Variants in DNAI4 observed in about 807,000 individuals in gnomAD.
DNAI4 encodes the protein dynein axonemal intermediate chain 4, also known as WD repeat domain 78.
In DNAI4, 85 loss-of-function variants were observed where a neutral mutation model predicts 105.8. The observed-to-expected ratio is 0.80, with a 90% CI of 0.67 to 0.96. The LOEUF is 0.96. DNAI4 is among the 40% of genes least tolerant of loss of function. The pLI, the probability that DNAI4 is intolerant of heterozygous loss-of-function variation, is 0.00. For synonymous variants in DNAI4, 352 were observed against 331.5 expected (o/e 1.06, Z -0.67); for missense variants, 1,014 against 1,005.6 (o/e 1.01, Z -0.11).
intron 8 of DNAI4, among the ~76,000 whole-genome samples, chr1:66,843,806 G>A (rs1458418171): frequency 6.6e-6 from 1 of 151,958 alleles, no homozygotes; most frequent in Non-Finnish European, 1.5e-5. Flanking sequence ...AAGATCAGCT[G>A]ACTATATTTT....
intron 4 of DNAI4, among the ~76,000 whole-genome samples, chr1:66,877,403 C>T (rs1260741340): frequency 6.6e-6 from 1 of 152,096 alleles, no homozygotes; most frequent in African/African-American, 2.4e-5. Flanking sequence ...CAAACTTTAC[C>T]CTGCAACAGA....
At chr1:66,821,490 G>A (rs1229415171) in intron 16 of DNAI4, among the ~76,000 whole-genome samples, 2 of 152,014 alleles carry the variant, frequency 1.3e-5, no homozygotes, top group African/African-American at 4.8e-5. Context: ...AGTATGAGAG[G>A]ACTCATCAAA....
At chr1:66,896,028 C>A (rs1481562503) in intron 2 of DNAI4, among the ~76,000 whole-genome samples, 1 of 152,086 alleles carries the variant, frequency 6.6e-6, no homozygotes, top group South Asian at 2.1e-4. Context: ...GTTTCTCATA[C>A]TGTATTCAGG....
At chr1:66,822,633 TTAAG>T (rs1645655500) in intron 15 of DNAI4, 116 bp from the exon 16 acceptor site, 2 of 950,512 alleles carry the variant, frequency 2.1e-6, no homozygotes, top group Non-Finnish European at 2.9e-6. Context: ...ATAAGCCTAT[TTAAG>T]TGTTTCCAAA....
chr1:66,832,692 G>A (rs1039626126), intron 13 of DNAI4, among the ~76,000 whole-genome samples: 9 of 152,006 alleles, frequency 5.9e-5, no homozygotes, highest in Non-Finnish European at 1.2e-4. Flanking sequence ...GTAACACAAA[G>A]GATAAATGCT....
chr1:66,882,853 T>G (rs1035818134), intron 4 of DNAI4, among the ~76,000 whole-genome samples: 13 of 152,104 alleles, frequency 8.5e-5, no homozygotes, highest in African/African-American at 3.1e-4. Flanking sequence ...TTGATTAAGA[T>G]TGGATTGAAT....
chr1:66,869,036 T>G (rs1441744092), intron 6 of DNAI4, among the ~76,000 whole-genome samples: 1 of 151,338 alleles, frequency 6.6e-6, no homozygotes, highest in Non-Finnish European at 1.5e-5. Flanking sequence ...ATTATACCAC[T>G]GCACTCCAGC....
chr1:66,905,139 C>T (rs759890735), intron 2 of DNAI4, 62 bp downstream of exon 2: 8 of 1,244,620 alleles, frequency 6.4e-6, no homozygotes, highest in Non-Finnish European at 8.6e-6. Flanking sequence ...CTATCTTTAA[C>T]ATTTCAATTG....
chr1:66,826,228 A>T (rs1338584702), intron 15 of DNAI4, among the ~76,000 whole-genome samples: 1 of 152,006 alleles, frequency 6.6e-6, no homozygotes, highest in Non-Finnish European at 1.5e-5. Flanking sequence ...AATGAATAAG[A>T]ACTCAAGATA....
intron 10 of DNAI4, 51 bp downstream of exon 10, chr1:66,837,659 G>A (rs1434875765): frequency 6.6e-7 from 1 of 1,526,218 alleles, no homozygotes; most frequent in African/African-American, 1.4e-5. Flanking sequence ...TATTTTATGA[G>A]AATTTTGTCA....
chr1:66,875,014 T>TTGGTG, intron 4 of DNAI4, 77 bp from the exon 5 acceptor site: 2 of 1,296,952 alleles, frequency 1.5e-6, no homozygotes, highest in Non-Finnish European at 2.1e-6. Flanking sequence ...GTCACCAATA[T>TTGGTG]ACCATAATGG....
chr1:66,856,390 G>A (rs528512685), intron 7 of DNAI4, among the ~76,000 whole-genome samples: 16 of 151,890 alleles, frequency 1.1e-4, no homozygotes, highest in Middle Eastern at 3.4e-3. Flanking sequence ...GAAGAATGGC[G>A]TGAACCCAGG....
chr1:66,842,241 T>G (rs889054258), intron 8 of DNAI4, among the ~76,000 whole-genome samples: 7 of 152,230 alleles, frequency 4.6e-5, no homozygotes, highest in African/African-American at 1.7e-4. Flanking sequence ...GCATCTTGGT[T>G]GCTTCCAAGT....
chr1:66,872,985 T>C (rs920879459), intron 5 of DNAI4, among the ~76,000 whole-genome samples: 3 of 152,154 alleles, frequency 2.0e-5, no homozygotes, highest in South Asian at 4.1e-4. Context: ...AGTGCTGGGA[T>C]TAAAGGCTTG....
intron 6 of DNAI4, among the ~76,000 whole-genome samples, chr1:66,866,005 G>A (rs763896329): frequency 5.9e-5 from 9 of 152,068 alleles, no homozygotes; most frequent in East Asian, 3.9e-4. Flanking sequence ...AAAGGAAAGC[G>A]GGAACTGGAT....
At chr1:66,837,131 C>T (rs534354632) in intron 10 of DNAI4, among the ~76,000 whole-genome samples, 1 of 152,140 alleles carries the variant, frequency 6.6e-6, no homozygotes, top group South Asian at 2.1e-4. Context: ...TTTGGGAAGC[C>T]AAGGCGGCTG....
At chr1:66,901,938 C>A (rs1245750070) in intron 2 of DNAI4, among the ~76,000 whole-genome samples, 1 of 152,164 alleles carries the variant, frequency 6.6e-6, no homozygotes, top group Non-Finnish European at 1.5e-5. Context: ...TTTGCCACCA[C>A]ACCTGGCTAA....
chr1:66,839,960 A>G (rs1490984181), intron 9 of DNAI4, among the ~76,000 whole-genome samples: 1 of 152,216 alleles, frequency 6.6e-6, no homozygotes, highest in East Asian at 1.9e-4. Flanking sequence ...TTAAAACACA[A>G]TAGTGCCTGC....
chr1:66,849,053 C>A (rs1280186007), intron 7 of DNAI4, among the ~76,000 whole-genome samples: 3 of 152,166 alleles, frequency 2.0e-5, no homozygotes, highest in Non-Finnish European at 4.4e-5. Flanking sequence ...CCCCTTCCTA[C>A]AGTGTCAGTG....
Sources: gnomAD v4.1 joint callset for allele counts (sites outside exome capture counted in the v4.1 genomes callset) on GRCh38, gnomAD v4.1.1 for gene constraint, MANE v1.5 for transcripts, NCBI Gene and HGNC (gene_info 2026-07-23, HGNC 2026-07-21) for gene names.